KLF12: variants seen among roughly 807,000 people sequenced by gnomAD.
The protein encoded by KLF12 is Krueppel-like factor 12.
Under a neutral mutation model 37.8 loss-of-function variants are expected in KLF12, and 9 were observed. The ratio of observed to expected loss-of-function variants is 0.24; its 90% CI spans 0.14 to 0.42. The LOEUF (loss-of-function observed/expected upper bound fraction) is 0.42. Among genes scored for constraint, KLF12 ranks in the 10% least tolerant of loss-of-function variants. The probability of loss-of-function intolerance (pLI) is 1.00; values close to 1 mark genes in which losing one functional copy is unlikely to be tolerated. For missense variants in KLF12, 411 were observed against 516.0 expected (o/e 0.80, Z 1.97); for synonymous variants, 208 against 202.1 (o/e 1.03, Z -0.25).
the KLF12 span, among the ~76,000 whole-genome samples, chr13:74,223,758 G>A: frequency 1.3e-5 from 2 of 152,094 alleles, no homozygotes; most frequent in African/African-American, 4.8e-5. Context: ...CAACTTTGGA[G>A]TTTTGCCTTT....
intron 5 of KLF12, among the ~76,000 whole-genome samples, chr13:73,808,262 C>T (rs1021827098): frequency 2.2e-4 from 33 of 151,938 alleles, no homozygotes; most frequent in African/African-American, 8.0e-4. Context: ...TCACTGAATA[C>T]GTGATTTTTG....
intron 1 of KLF12, among the ~76,000 whole-genome samples, chr13:74,015,527 G>A (rs1326265414): frequency 6.6e-6 from 1 of 151,968 alleles, no homozygotes; most frequent in Non-Finnish European, 1.5e-5. Context: ...AGTTTCACAG[G>A]GTTGGGTGCA....
intron 1 of KLF12, among the ~76,000 whole-genome samples, chr13:74,092,476 T>C (rs1448277421): frequency 1.3e-5 from 2 of 150,024 alleles, no homozygotes; most frequent in South Asian, 2.1e-4. Context: ...AAAAAAAAAT[T>C]AGCCGGGTGT....
the KLF12 span, among the ~76,000 whole-genome samples, chr13:74,252,385 C>T: frequency 6.6e-6 from 1 of 152,164 alleles, no homozygotes; most frequent in African/African-American, 2.4e-5. Context: ...ACAGGTATAC[C>T]TCTTTCCTGC....
chr13:73,861,669 A>T (rs966644773), intron 3 of KLF12, among the ~76,000 whole-genome samples: 6 of 152,008 alleles, frequency 3.9e-5, no homozygotes, highest in African/African-American at 1.2e-4. Context: ...CTTATATATT[A>T]CTTTTTTTTA....
chr13:73,714,362 T>C (rs17090361), intron 7 of KLF12, among the ~76,000 whole-genome samples: 9,853 of 152,254 alleles, frequency 0.065, 407 homozygotes, highest in South Asian at 0.17. Context: ...ATTATTTTGA[T>C]ACCTAAGCTG....
the KLF12 span, among the ~76,000 whole-genome samples, chr13:74,160,507 A>G: frequency 6.6e-6 from 1 of 152,200 alleles, no homozygotes; most frequent in East Asian, 1.9e-4. Flanking sequence ...CCTAATACAG[A>G]TCCAGGCACT....
chr13:73,922,027 C>A (rs1198036637), intron 3 of KLF12, among the ~76,000 whole-genome samples: 1 of 151,766 alleles, frequency 6.6e-6, no homozygotes, highest in Non-Finnish European at 1.5e-5. Context: ...TAAAAAAAGT[C>A]ATGCTTTTCA....
At chr13:74,119,319 G>A (rs777386681) in intron 1 of KLF12, among the ~76,000 whole-genome samples, 67 of 142,726 alleles carry the variant, frequency 4.7e-4, no homozygotes, top group Non-Finnish European at 8.7e-4. Context: ...GTGACACAGC[G>A]AGACTCTTAT....
At chr13:73,993,245 C>T (rs997429772) in intron 2 of KLF12, among the ~76,000 whole-genome samples, 6 of 152,106 alleles carry the variant, frequency 3.9e-5, no homozygotes, top group Admixed American at 2.0e-4. Flanking sequence ...GGGACAAACA[C>T]ATTAAATTAA....
At chr13:74,267,516 T>C in the KLF12 span, among the ~76,000 whole-genome samples, 2 of 152,274 alleles carry the variant, frequency 1.3e-5, no homozygotes, top group East Asian at 1.9e-4. Context: ...CACTCATACG[T>C]GGGAGCTTTA....
At chr13:74,262,020 T>G in the KLF12 span, among the ~76,000 whole-genome samples, 1 of 152,228 alleles carries the variant, frequency 6.6e-6, no homozygotes, top group Non-Finnish European at 1.5e-5. Flanking sequence ...TGTGGCTCAC[T>G]GCACTGGGGC....
chr13:73,735,913 A>G (rs1435115688), intron 6 of KLF12, among the ~76,000 whole-genome samples: 3 of 151,736 alleles, frequency 2.0e-5, no homozygotes, highest in Non-Finnish European at 4.4e-5. Flanking sequence ...GCGACCAAGT[A>G]CTTGTCTTTG....
At chr13:74,095,571 T>C (rs1037528527) in intron 1 of KLF12, among the ~76,000 whole-genome samples, 10 of 152,008 alleles carry the variant, frequency 6.6e-5, no homozygotes, top group South Asian at 2.1e-4. Flanking sequence ...TGTGTGTACA[T>C]AGAGATAAGG....
intron 5 of KLF12, among the ~76,000 whole-genome samples, chr13:73,793,508 G>A (rs1226611910): frequency 6.6e-6 from 1 of 152,176 alleles, no homozygotes; most frequent in Non-Finnish European, 1.5e-5. Context: ...AGAGTTTATA[G>A]TTGACAAAGT....
chr13:73,798,644 C>T (rs757213255), intron 5 of KLF12, among the ~76,000 whole-genome samples: 9 of 151,812 alleles, frequency 5.9e-5, no homozygotes, highest in Non-Finnish European at 1.3e-4. Flanking sequence ...GATAATGTCA[C>T]CAGCAAACAT....
chr13:74,273,124 A>G, the KLF12 span, among the ~76,000 whole-genome samples: 1 of 152,174 alleles, frequency 6.6e-6, no homozygotes, highest in Non-Finnish European at 1.5e-5. Context: ...CCTGCTCAGA[A>G]AAATCTAAAC....
intron 1 of KLF12, among the ~76,000 whole-genome samples, chr13:74,132,024 A>G (rs1878286274): frequency 6.6e-6 from 1 of 152,164 alleles, no homozygotes; most frequent in Admixed American, 6.5e-5. Flanking sequence ...TTTCTAACCT[A>G]AAAGTATACT....
the KLF12 span, among the ~76,000 whole-genome samples, chr13:74,158,158 G>C: frequency 6.6e-6 from 1 of 152,202 alleles, no homozygotes; most frequent in Non-Finnish European, 1.5e-5. Flanking sequence ...GGGCTTCAGG[G>C]GAAGGCCCTG....
Sources: gnomAD v4.1 joint callset for allele counts (sites outside exome capture counted in the v4.1 genomes callset) on GRCh38, gnomAD v4.1.1 for gene constraint, MANE v1.5 for transcripts, NCBI Gene and HGNC (gene_info 2026-07-23, HGNC 2026-07-21) for gene names.